MACF1: variants seen among roughly 807,000 people sequenced by gnomAD.
The protein encoded by MACF1 is microtubule-actin cross-linking factor 1.
A neutral mutation model predicts 854.8 loss-of-function variants in MACF1; 193 were observed. The ratio of observed to expected loss-of-function variants is 0.23; its 90% confidence interval spans 0.20 to 0.25. The LOEUF (loss-of-function observed/expected upper bound fraction) is 0.25. MACF1 is among the 10% of genes least tolerant of loss of function. MACF1 has a pLI of 1.00. For synonymous variants in MACF1, 3,185 were observed against 3,226.7 expected, an observed-to-expected ratio of 0.99 and a Z score of 0.44; for missense variants, 7,722 against 8,929.1, an observed-to-expected ratio of 0.86 and a Z score of 5.45.
chr1:39,427,883 C>G, intron 62 of MACF1, 78 bp from the exon 63 acceptor site: 3 of 1,135,050 alleles, frequency 2.6e-6, no homozygotes, highest in Non-Finnish European at 3.7e-6. Context: ...TTTGTTGTAT[C>G]ATTTGTTATT....
chr1:39,381,787 G>A (rs907274003), intron 55 of MACF1, among the ~76,000 whole-genome samples, 166 bp from the exon 56 acceptor site: 1 of 152,148 alleles, frequency 6.6e-6, no homozygotes, highest in Non-Finnish European at 1.5e-5. Context: ...CCATGATCGT[G>A]CCACTGCTCT....
chr1:39,253,695 A>G (rs561094360), intron 4 of MACF1, among the ~76,000 whole-genome samples: 1 of 151,900 alleles, frequency 6.6e-6, no homozygotes, highest in Non-Finnish European at 1.5e-5. Flanking sequence ...TGAGGAGCCA[A>G]TGAAGGGACG....
chr1:39,184,406 C>T lies in MACF1; in HGVS notation c.221-46776C>T, dbSNP rs774452884. On this transcript the variant is annotated intron_variant, in intron 2 of 93. Transcript: ENST00000361689. ...GACATATTTAGAGAGGGGAACTTGCCTTGACATCAGAAGGTCAGATCTCAG... is the reference window on the plus strand; with the variant it reads ...GACATATTTAGAGAGGGGAACTTGCTTTGACATCAGAAGGTCAGATCTCAG... 1.2e-4 allele frequency among the ~76,000 whole-genome samples: 19 copies of T among 152,200 alleles called. 1 individual carries two copies. The highest frequency in any genetic ancestry group is 3.4e-3 in the Middle Eastern group (1 of 294).
At chr1:39,192,130 G>A (rs1207558672) in intron 2 of MACF1, among the ~76,000 whole-genome samples, 2 of 151,994 alleles carry the variant, frequency 1.3e-5, no homozygotes, top group Non-Finnish European at 2.9e-5. Flanking sequence ...CAGCCTGGGC[G>A]ACACAGCAAG....
At chr1:39,251,820 G>A (rs1184899414) in intron 3 of MACF1, 26 bp from the exon 4 acceptor site, 2 of 1,305,108 alleles carry the variant, frequency 1.5e-6, no homozygotes, top group Admixed American at 3.1e-5. Flanking sequence ...CCTCTATTGT[G>A]TCTTTGCCTT....
intron 58 of MACF1, among the ~76,000 whole-genome samples, chr1:39,408,771 T>C (rs1210472080): frequency 6.6e-6 from 1 of 151,846 alleles, no homozygotes; most frequent in African/African-American, 2.4e-5. Context: ...GGCGTTCCCC[T>C]CTGGCCCCGG....
At chr1:39,095,092 A>C (rs1162485926) in intron 2 of MACF1, among the ~76,000 whole-genome samples, 5 of 152,134 alleles carry the variant, frequency 3.3e-5, no homozygotes, top group Non-Finnish European at 5.9e-5. Flanking sequence ...GGTAGGCATG[A>C]TTGACAACCA....
intron 2 of MACF1, among the ~76,000 whole-genome samples, chr1:39,096,990 C>T (rs907807774): frequency 6.6e-6 from 1 of 151,286 alleles, no homozygotes; most frequent in African/African-American, 2.4e-5. Flanking sequence ...AATTCTCCTG[C>T]CTTGGCCTCC....
In MACF1 at chr1:39,444,904, T is replaced by C. The variant is rs556158308; in HGVS notation, c.19605+69T>C. ...TGCATGTATAATAATTGCCATCTTA[T>C]TTATATGAAGATTTTTTGAAGACCA... On this transcript the variant is annotated intron_variant, in intron 80 of 100. Transcript: ENST00000564288. 2.9e-5 allele frequency: 41 copies of C among 1,409,766 alleles called. No individual in the cohort carries two copies. The Admixed American group carries it at 3.4e-4, about 12-fold the overall frequency. The allele number at this position is 1,409,766 out of a possible 1,614,324, so 87.3% of individuals were successfully genotyped here. A position where few individuals can be genotyped will look rare whatever the true frequency, so the allele number is the denominator to read the frequency against.
At chr1:39,296,022 A>T in intron 20 of MACF1, 140 bp downstream of exon 20, 1 of 662,016 alleles carries the variant, frequency 1.5e-6, no homozygotes, top group African/African-American at 1.9e-5. Context: ...AGTCATTTAG[A>T]TAGCTCATGA....
At chr1:39,161,854 G>A (rs775087319) in intron 2 of MACF1, among the ~76,000 whole-genome samples, 29 of 149,690 alleles carry the variant, frequency 1.9e-4, no homozygotes, top group Non-Finnish European at 3.0e-4. Context: ...GCGACAGAGC[G>A]AGACTCTGTC....
In MACF1 at chr1:39,334,657, C is replaced by T; in HGVS notation, c.8069C>T (p.Thr2690Ile). ...TLKVLEAQAN[T>I]GGIIDTATGK... ...AAGGTTCTAGAAGCCCAGGCAAATA[C>T]TGGTGGAATCATAGATACTGCTACT... The change falls in exon 37 of 101, where the codon ACT becomes ATT. Residue 2690 changes from threonine (T) to isoleucine (I), a missense_variant. Around this residue, in one of 15 missense-constraint regions of MACF1, gnomAD observed 1,531 missense variants for 1,601.6 expected, o/e 0.96. Transcript: ENST00000564288. 6.2e-7 allele frequency: 1 copy of T among 1,614,050 alleles called. No homozygotes were observed. Among genetic ancestry groups the T allele is most frequent in the Non-Finnish European group, 8.5e-7 (1 of 1,180,004 alleles).
In MACF1 at chr1:39,441,115, G is replaced by T. The variant is rs1353814009; in HGVS notation, c.18560G>T (p.Ser6187Ile). The change falls in exon 73 of 101, where the codon AGC becomes ATC. Residue 6187 changes from serine (S) to isoleucine (I), a missense_variant. Physicochemically the swap from Ser to Ile is moderately radical, Grantham distance 142. Transcript: ENST00000564288. The stretch of plus-strand genomic sequence containing the variant: ...ACTGAGAAGCCTGAAGTGAGGAAGA[G>T]CATTGATGAGGTGTGGAGAAATGGA... ...GETEKPEVRKSIDEMNNAWEN... is the reference protein window; with the variant it reads ...GETEKPEVRKIIDEMNNAWEN... The T allele has an allele frequency of 6.2e-7, 1 of 1,614,100 alleles. No individual in the cohort carries two copies. The highest frequency in any genetic ancestry group is 8.5e-7 in the Non-Finnish European group (1 of 1,180,048).
chr1:39,430,622 G>T (rs1470901144), intron 65 of MACF1, 80 bp from the exon 66 acceptor site: 12 of 1,079,368 alleles, frequency 1.1e-5, no homozygotes, highest in Admixed American at 1.9e-5. Context: ...GTGTGGTAGA[G>T]ATAGCAATTT....
chr1:39,100,094 T>G (rs1642031310), intron 2 of MACF1, among the ~76,000 whole-genome samples: 1 of 152,184 alleles, frequency 6.6e-6, no homozygotes, highest in Non-Finnish European at 1.5e-5. Context: ...CACCTGCCTG[T>G]AGTCCTAGCT....
chr1:39,214,687 T>C (rs1644555070), intron 1 of MACF1, among the ~76,000 whole-genome samples: 1 of 152,236 alleles, frequency 6.6e-6, no homozygotes, highest in African/African-American at 2.4e-5. Context: ...TTACTGACTC[T>C]TCCCTTTTGG....
intron 44 of MACF1, among the ~76,000 whole-genome samples, chr1:39,354,040 C>T (rs1647313569): frequency 6.6e-6 from 1 of 152,176 alleles, no homozygotes; most frequent in Non-Finnish European, 1.5e-5. Flanking sequence ...TTTTATGGTT[C>T]CCTGTTGCCC....
chr1:39,257,311 C>CT (rs60278374), intron 5 of MACF1, among the ~76,000 whole-genome samples: 136,450 of 150,772 alleles, frequency 0.91, 62,802 homozygotes, highest in South Asian at 0.99. Flanking sequence ...AAGACAGTTT[C>CT]TTTTTTTTTG....
chr1:39,386,011 T>G (rs1282536072), intron 57 of MACF1, 82 bp downstream of exon 57: 2 of 1,439,910 alleles, frequency 1.4e-6, no homozygotes, highest in African/African-American at 2.8e-5. Flanking sequence ...GTCCCAAGAT[T>G]CTAGGATTCC....
Sources: gnomAD v4.1 joint callset for allele counts (sites outside exome capture counted in the v4.1 genomes callset) on GRCh38, gnomAD v4.1.1 for gene constraint, gnomAD v4.1.1 regional missense constraint, MANE v1.5 for transcripts, NCBI Gene and HGNC (gene_info 2026-07-23, HGNC 2026-07-21) for gene names.